The following DLG2 variants were observed in gnomAD, a reference collection of about 807,000 sequenced individuals.
DLG2 encodes the protein disks large homolog 2.
DLG2 carries 45 observed loss-of-function variants against 132.5 expected under a neutral mutation model. The observed-to-expected ratio is 0.34, with a 90% CI of 0.27 to 0.44. The LOEUF (loss-of-function observed/expected upper bound fraction) is 0.44, where lower values mean the gene tolerates loss of function less well. Among genes scored for constraint, DLG2 ranks in the 20% least tolerant of loss-of-function variants. The pLI is 1.00. For synonymous variants in DLG2, 424 were observed against 419.6 expected (o/e 1.01, Z -0.13); for missense variants, 1,045 against 1,196.9 (o/e 0.87, Z 1.87).
intron 18 of DLG2, among the ~76,000 whole-genome samples, chr11:83,759,867 A>G (rs187938670): frequency 1.2e-4 from 19 of 152,370 alleles, no homozygotes; most frequent in African/African-American, 4.1e-4. Context: ...CATTGATAAT[A>G]ATTACCAGCT....
intron 4 of DLG2, among the ~76,000 whole-genome samples, chr11:85,181,816 G>A (rs915406135): frequency 5.9e-5 from 9 of 151,334 alleles, no homozygotes; most frequent in African/African-American, 2.2e-4. Flanking sequence ...TTTTCAACCA[G>A]GCTTCATCCT....
intron 6 of DLG2, among the ~76,000 whole-genome samples, chr11:84,778,945 G>A (rs2071185665): frequency 6.6e-6 from 1 of 152,120 alleles, no homozygotes; most frequent in East Asian, 1.9e-4. Flanking sequence ...TTGAACATCA[G>A]ACTCCAAGTT....
chr11:84,247,049 C>T (rs1350480782), intron 8 of DLG2, among the ~76,000 whole-genome samples: 4 of 152,076 alleles, frequency 2.6e-5, no homozygotes, highest in African/African-American at 9.7e-5. Flanking sequence ...ACTCATGATT[C>T]TCAAGTATAC....
intron 8 of DLG2, among the ~76,000 whole-genome samples, chr11:84,197,793 C>G (rs1272394445): frequency 1.3e-5 from 2 of 152,144 alleles, no homozygotes; most frequent in Admixed American, 6.5e-5. Context: ...AATCCTAACA[C>G]ATACTGTGAG....
intron 6 of DLG2, among the ~76,000 whole-genome samples, chr11:84,748,132 C>T (rs1350900715): frequency 2.0e-5 from 3 of 152,294 alleles, no homozygotes; most frequent in South Asian, 4.1e-4. Context: ...GCAGGGCTCT[C>T]CCATTTGGAT....
intron 6 of DLG2, among the ~76,000 whole-genome samples, chr11:84,890,431 G>A (rs1043015240): frequency 1.3e-5 from 2 of 152,106 alleles, no homozygotes; most frequent in Admixed American, 6.6e-5. Flanking sequence ...AGAATTGGGA[G>A]CTGCCATTTT....
intron 18 of DLG2, among the ~76,000 whole-genome samples, chr11:83,783,110 A>G (rs1264434466): frequency 6.6e-6 from 1 of 152,238 alleles, no homozygotes; most frequent in Non-Finnish European, 1.5e-5. Flanking sequence ...AAGTAAGTGC[A>G]TGATAAAATT....
At chr11:84,832,699 T>C (rs1027697367) in intron 6 of DLG2, among the ~76,000 whole-genome samples, 13 of 151,668 alleles carry the variant, frequency 8.6e-5, no homozygotes, top group Admixed American at 2.6e-4. Flanking sequence ...AGTACTTGAC[T>C]GTATTACTTA....
chr11:83,700,682 T>C (rs1030736606), intron 18 of DLG2, among the ~76,000 whole-genome samples: 2 of 152,148 alleles, frequency 1.3e-5, no homozygotes, highest in African/African-American at 4.8e-5. Flanking sequence ...TTCAATGTCC[T>C]TAAATAATAC....
chr11:85,296,924 T>C (rs1236024188), intron 3 of DLG2, among the ~76,000 whole-genome samples: 1 of 150,140 alleles, frequency 6.7e-6, no homozygotes, highest in African/African-American at 2.4e-5. Context: ...GATACAATCA[T>C]ATTATAATTT....
At chr11:85,553,568 A>C (rs1032976991) in intron 3 of DLG2, among the ~76,000 whole-genome samples, 1 of 151,634 alleles carries the variant, frequency 6.6e-6, no homozygotes, top group Non-Finnish European at 1.5e-5. Context: ...TGAAAAACTG[A>C]TATTAATTGA....
chr11:84,497,909 T>C (rs1413611432), intron 7 of DLG2, among the ~76,000 whole-genome samples: 3 of 152,280 alleles, frequency 2.0e-5, no homozygotes, highest in Non-Finnish European at 4.4e-5. Flanking sequence ...GATTGAGCTA[T>C]GGCTTGTAAC....
At position 83,945,760 on chromosome 11, in the gene DLG2, G is replaced by T. The variant is rs188588705; in HGVS notation, c.1341-15277C>A. Among the ~76,000 whole-genome samples, 321 of 150,844 alleles carry T rather than the reference G, an allele frequency of 2.1e-3. 1 individual carries two copies. The highest frequency in any genetic ancestry group is 0.01 in the Middle Eastern group (3 of 290). On this transcript the variant is annotated intron_variant, in intron 14 of 27. Transcript: ENST00000376104. The stretch of plus-strand genomic sequence containing the variant: ...TCACTAGTAGTCTCAGTGGTTTAGG[G>T]TCGTCCGCTATTTTAATGAAAATTT...
intron 4 of DLG2, among the ~76,000 whole-genome samples, chr11:85,232,674 A>G (rs1368699525): frequency 2.0e-5 from 3 of 151,954 alleles, no homozygotes; most frequent in Non-Finnish European, 4.4e-5. Context: ...CAAGGGATAA[A>G]AAGTCGTGGC....
intron 3 of DLG2, among the ~76,000 whole-genome samples, chr11:85,597,002 T>C (rs1033702499): frequency 6.6e-6 from 1 of 152,260 alleles, no homozygotes; most frequent in Non-Finnish European, 1.5e-5. Flanking sequence ...AGCTGGGCAC[T>C]GGGATTACTT....
chr11:84,190,456 T>C (rs570946281), intron 8 of DLG2, among the ~76,000 whole-genome samples: 1 of 152,290 alleles, frequency 6.6e-6, no homozygotes, highest in African/African-American at 2.4e-5. Context: ...TTTCCCCCTC[T>C]AGAATTGTTA....
rs541773705 is a variant in DLG2, at chr11:83,840,582, G to A, written c.1566-6812C>T. 4.6e-5 allele frequency among the ~76,000 whole-genome samples: 7 copies of A among 152,206 alleles called. No homozygotes were observed. The East Asian group carries it at 5.8e-4, about 13-fold the overall frequency. On this transcript the variant is annotated intron_variant, in intron 16 of 27. Transcript: ENST00000376104. ...TGCTGCTGCTCAACTCTGGACAATC[G>A]CTCCAAGCAGGAATGTCAAGCAATC...
intron 7 of DLG2, among the ~76,000 whole-genome samples, chr11:84,332,400 C>T (rs774879751): frequency 1.3e-5 from 2 of 151,212 alleles, no homozygotes; most frequent in Non-Finnish European, 2.9e-5. Flanking sequence ...TTAGTAGAGA[C>T]GGGGTTTCAC....
rs111430226 is a variant in DLG2, at chr11:85,433,330, T to C, written c.41-147965A>G. Among the ~76,000 whole-genome samples the C allele has an allele frequency of 4.3e-3, 650 of 152,266 alleles. 4 individuals carry two copies. Among genetic ancestry groups the C allele is most frequent in the African/African-American group, 0.015 (632 of 41,542 alleles). ...CACATATAACAACATTAAACTTATA[T>C]GTAGATGGGCTAAATGCCCCAGTTA... On this transcript the variant is annotated intron_variant, in intron 3 of 27. Transcript: ENST00000376104.
Sources: allele counts gnomAD v4.1 joint callset (sites outside exome capture counted in the v4.1 genomes callset), GRCh38; gene constraint gnomAD v4.1.1; transcripts MANE v1.5; gene names NCBI Gene and HGNC (gene_info 2026-07-23, HGNC 2026-07-21).